NOL10: variants seen among roughly 807,000 people sequenced by gnomAD.
NOL10 encodes H_NH0074G24.1.
A neutral mutation model predicts 103.5 loss-of-function variants in NOL10; 58 were observed. The ratio of observed to expected loss-of-function variants is 0.56; its 90% CI spans 0.45 to 0.70. The LOEUF (loss-of-function observed/expected upper bound fraction) is 0.70. NOL10 is among the 30% of genes least tolerant of loss of function. The pLI is 0.00. For missense variants in NOL10, 763 were observed against 807.3 expected (o/e 0.95, Z 0.67); for synonymous variants, 287 against 282.5 (o/e 1.02, Z -0.16).
At chr2:10,641,616 C>A (rs1161119058) in intron 13 of NOL10, among the ~76,000 whole-genome samples, 1 of 152,172 alleles carries the variant, frequency 6.6e-6, no homozygotes, top group Admixed American at 6.5e-5. Context: ...TTAATATTCT[C>A]CTGCCTCTTC....
chr2:10,640,956 G>A (rs1365660782), intron 13 of NOL10, among the ~76,000 whole-genome samples: 2 of 150,380 alleles, frequency 1.3e-5, no homozygotes, highest in East Asian at 2.0e-4. Flanking sequence ...AGGCTGAGGC[G>A]GTGGATCACT....
Position 10,605,973 on chromosome 2 carries a change from G to A in NOL10, c.1153+1212C>T, listed in dbSNP as rs1676233245. On this transcript the variant is annotated intron_variant, in intron 14 of 20. Transcript: ENST00000381685. ...TTGTTGCACATCTATTTGTTCCAAA[G>A]ACAACTAAGTTGCCTTGCCTTGTAT... Among the ~76,000 whole-genome samples, 9 of 152,282 alleles carry A rather than the reference G, an allele frequency of 5.9e-5. 1 individual carries two copies. The South Asian group carries it at 1.9e-3, about 32-fold the overall frequency.
intron 6 of NOL10, among the ~76,000 whole-genome samples, chr2:10,669,513 T>TAC (rs112846253): frequency 2.3e-4 from 31 of 132,914 alleles, no homozygotes; most frequent in African/African-American, 8.0e-4. Flanking sequence ...CACACATATA[T>TAC]ACACACACAC....
intron 8 of NOL10, among the ~76,000 whole-genome samples, chr2:10,664,029 G>A (rs1680402913): frequency 6.6e-6 from 1 of 151,984 alleles, no homozygotes; most frequent in South Asian, 2.1e-4. Context: ...GCTGAGGCAG[G>A]AGAATTGCTT....
At chr2:10,667,710 T>C (rs888415715) in intron 7 of NOL10, among the ~76,000 whole-genome samples, 7 of 152,222 alleles carry the variant, frequency 4.6e-5, no homozygotes, top group African/African-American at 1.7e-4. Context: ...AATGGATATT[T>C]CACCTACCTC....
chr2:10,617,483 A>G (rs570258588), intron 13 of NOL10, among the ~76,000 whole-genome samples: 12 of 152,292 alleles, frequency 7.9e-5, no homozygotes, highest in Non-Finnish European at 1.5e-4. Context: ...GACAGTCACT[A>G]AACAAACAAC....
chr2:10,596,573 G>C (rs572998676), intron 17 of NOL10, among the ~76,000 whole-genome samples: 2 of 152,150 alleles, frequency 1.3e-5, no homozygotes, highest in Non-Finnish European at 2.9e-5. Context: ...GACCTGACAG[G>C]AGGTGGGGCT....
chr2:10,577,862 T>C, intron 19 of NOL10, 124 bp from the exon 20 acceptor site: 1 of 639,210 alleles, frequency 1.6e-6, no homozygotes, highest in East Asian at 2.8e-5. Flanking sequence ...GAAAATATCA[T>C]TCATTTAACA....
chr2:10,627,500 C>G (rs1014530862), intron 13 of NOL10, among the ~76,000 whole-genome samples: 1 of 151,890 alleles, frequency 6.6e-6, no homozygotes, highest in African/African-American at 2.4e-5. Context: ...ACAGTGAAAC[C>G]CCGTCTCTAC....
intron 8 of NOL10, among the ~76,000 whole-genome samples, chr2:10,665,436 AAAG>A (rs748363153): frequency 6.6e-6 from 1 of 152,234 alleles, no homozygotes; most frequent in Non-Finnish European, 1.5e-5. Flanking sequence ...ACTAAGAACT[AAAG>A]AAGAAACTAA....
intron 9 of NOL10, among the ~76,000 whole-genome samples, chr2:10,662,730 T>C (rs1680288509): frequency 6.6e-6 from 1 of 152,190 alleles, no homozygotes; most frequent in South Asian, 2.1e-4. Flanking sequence ...ATTGTTTTAA[T>C]AAAATCGTAC....
intron 13 of NOL10, among the ~76,000 whole-genome samples, chr2:10,613,566 T>C (rs544863316): frequency 5.1e-4 from 78 of 152,354 alleles, no homozygotes; most frequent in African/African-American, 1.8e-3. Context: ...ATAGTAAGAA[T>C]GTAGTGCTAC....
At chr2:10,595,567 G>A (rs1675633630) in intron 17 of NOL10, among the ~76,000 whole-genome samples, 4 of 151,458 alleles carry the variant, frequency 2.6e-5, no homozygotes, top group Admixed American at 2.6e-4. Context: ...CAAAATGATG[G>A]GATTACAGAA....
chr2:10,611,697 C>A (rs1215766959), intron 13 of NOL10, among the ~76,000 whole-genome samples: 1 of 152,148 alleles, frequency 6.6e-6, no homozygotes, highest in Non-Finnish European at 1.5e-5. Context: ...GGGCGGATCG[C>A]CTGAGGTCAG....
At chr2:10,609,397 C>T (rs2148197353) in intron 13 of NOL10, among the ~76,000 whole-genome samples, 1 of 132,758 alleles carries the variant, frequency 7.5e-6, no homozygotes, top group South Asian at 2.3e-4. Flanking sequence ...ACCATCCTGG[C>T]TAACAAGGTG....
chr2:10,682,140 G>T (rs958490625), intron 2 of NOL10, 71 bp from the exon 3 acceptor site: 17 of 571,974 alleles, frequency 3.0e-5, no homozygotes, highest in Non-Finnish European at 4.8e-5. Flanking sequence ...AGACAAATGG[G>T]TACCAAGCAG....
rs79710091 is a variant in NOL10 at position 10,580,436 on chromosome 2, G to A, written c.1845-2698C>T. On this transcript the variant is annotated intron_variant, in intron 19 of 20. Coordinates refer to ENST00000381685, the MANE Select transcript of NOL10 (RefSeq NM_024894.4). Reference sequence around the variant, plus strand: ...TACTTTAGGTCTGACAGCCATGGGGGACTTTTTCACTGGTGTATAGTAAAG... The same window carrying A: ...TACTTTAGGTCTGACAGCCATGGGGAACTTTTTCACTGGTGTATAGTAAAG... Among the ~76,000 whole-genome samples, 1,346 of 151,620 alleles carry A rather than the reference G, an allele frequency of 8.9e-3. 23 individuals are homozygous for A. Among genetic ancestry groups the A allele is most frequent in the East Asian group, 0.081 (415 of 5,146 alleles).
chr2:10,667,621 G>A (rs1558339492), intron 7 of NOL10, among the ~76,000 whole-genome samples: 1 of 152,114 alleles, frequency 6.6e-6, no homozygotes, highest in African/African-American at 2.4e-5. Context: ...AAGAACACAC[G>A]CTATCACCAT....
intron 12 of NOL10, among the ~76,000 whole-genome samples, chr2:10,645,997 G>C (rs1679050211): frequency 6.6e-6 from 1 of 151,278 alleles, no homozygotes; most frequent in Non-Finnish European, 1.5e-5. Context: ...AGCACCTAAT[G>C]AAGTCTAAAA....
Sources: gnomAD v4.1 joint callset for allele counts (sites outside exome capture counted in the v4.1 genomes callset) on GRCh38, gnomAD v4.1.1 for gene constraint, MANE v1.5 for transcripts, NCBI Gene and HGNC (gene_info 2026-07-23, HGNC 2026-07-21) for gene names.